The following ABLIM2 variants were observed in gnomAD, a reference collection of about 807,000 sequenced individuals.
ABLIM2 encodes actin-binding LIM protein 2.
ABLIM2 carries 53 observed loss-of-function variants against 97.7 expected under a neutral mutation model. The ratio of observed to expected loss-of-function variants is 0.54; its 90% confidence interval spans 0.44 to 0.68. The LOEUF is 0.68. ABLIM2 is among the 30% of genes least tolerant of loss of function. The pLI, the probability that ABLIM2 is intolerant of heterozygous loss-of-function variation, is 0.00. For synonymous variants in ABLIM2, 361 were observed against 345.8 expected (o/e 1.04, Z -0.49); for missense variants, 835 against 867.2 (o/e 0.96, Z 0.47).
intron 14 of ABLIM2, among the ~76,000 whole-genome samples, chr4:8,010,035 C>T (rs1763920791): frequency 6.6e-6 from 1 of 152,204 alleles, no homozygotes; most frequent in African/African-American, 2.4e-5. Context: ...AAGACATCCA[C>T]GAAGAGCAGT....
At chr4:8,006,789 G>A (rs1411833421) in intron 16 of ABLIM2, among the ~76,000 whole-genome samples, 2 of 152,184 alleles carry the variant, frequency 1.3e-5, no homozygotes, top group Non-Finnish European at 2.9e-5. Flanking sequence ...TAGCCCCCTT[G>A]CCCTGCCTGC....
rs1318907351 is a variant in ABLIM2, at chr4:8,132,480, C to T, written c.11-25843G>A. ...ACCATCCAGTCCCTGGAGAAGGACG[C>T]CCAGCCCTGGCCTTTCCTGAGCACT... On this transcript the variant is annotated intron_variant, in intron 1 of 20. Coordinates refer to ENST00000447017, the MANE Select transcript of ABLIM2 (RefSeq NM_001130083.2). The surrounding 1 kb of genome is among the most constrained non-coding windows in gnomAD (Gnocchi z 8.0). Among the ~76,000 whole-genome samples, 9 of 152,130 alleles carry T rather than the reference C, an allele frequency of 5.9e-5. No homozygotes were observed. The highest frequency in any genetic ancestry group is 1.2e-4 in the Non-Finnish European group (8 of 68,020).
Position 8,104,610 on chromosome 4 carries a change from T to C in ABLIM2, c.154+1884A>G, listed in dbSNP as rs959668464. Among the ~76,000 whole-genome samples, 11 of 152,132 alleles carry C rather than the reference T, an allele frequency of 7.2e-5. 1 individual carries two copies. The South Asian group carries it at 1.7e-3, about 23-fold the overall frequency. On this transcript the variant is annotated intron_variant, in intron 2 of 20. Coordinates refer to ENST00000447017, the MANE Select transcript of ABLIM2 (RefSeq NM_001130083.2). Reference sequence around the variant, plus strand: ...CTGGGGTCTGCCTTAGCCCAAGGGATTCAGGGCACTCCCACTCCTGCCAGA... The same window carrying C: ...CTGGGGTCTGCCTTAGCCCAAGGGACTCAGGGCACTCCCACTCCTGCCAGA...
In ABLIM2 at chr4:7,966,074, C is replaced by T. The variant is rs955837344; in HGVS notation, c.*916G>A. 5.3e-5 allele frequency: 8 copies of T among 152,054 alleles called. No homozygotes were observed. The highest frequency in any genetic ancestry group is 1.7e-4 in the African/African-American group (7 of 41,390). The allele number at this position is 152,054 out of a possible 1,614,324, so 9.4% of individuals were successfully genotyped here. ...CTATACCTCACATGTATTTACAAAG[C>T]GTTCTTTAGAGGGGTCTGTCTTTAA... is the stretch of plus-strand genomic sequence containing the variant. On this transcript the variant is annotated 3_prime_UTR_variant, in exon 21 of 21. Transcript: ENST00000447017.
At position 8,091,162 on chromosome 4, in the gene ABLIM2, G is replaced by C. The variant is rs193045720; in HGVS notation, c.339-2878C>G. On this transcript the variant is annotated intron_variant, in intron 3 of 20. Coordinates refer to ENST00000447017, the MANE Select transcript of ABLIM2 (RefSeq NM_001130083.2). ...GCCATGGTCCATCTTTTCAGTTTTA[G>C]TCGTTCTCATGGAGGCGTAATGGCA... Among the ~76,000 whole-genome samples, 5 of 148,162 alleles carry C rather than the reference G, an allele frequency of 3.4e-5. No individual in the cohort carries two copies. The East Asian group carries it at 9.8e-4, about 29-fold the overall frequency.
chr4:8,006,182 G>A (rs1000186253), intron 16 of ABLIM2, among the ~76,000 whole-genome samples: 1 of 152,224 alleles, frequency 6.6e-6, no homozygotes, highest in Non-Finnish European at 1.5e-5. Flanking sequence ...AGCAGTGCAC[G>A]AGGTGAAGGC....
Position 8,058,216 on chromosome 4 carries a change from T to G in ABLIM2, c.763+2751A>C, listed in dbSNP as rs1800582282. On this transcript the variant is annotated intron_variant, in intron 7 of 20. Transcript: ENST00000447017. This position sits in a 1 kb window ranked among gnomAD's most constrained non-coding sequence, Gnocchi z 4.2. Reference sequence around the variant, plus strand: ...CCTTTACTGTGGGGGCCAAACCCCATGCAGAGCAAGGCCCCTGCCCAGACA... The same window carrying G: ...CCTTTACTGTGGGGGCCAAACCCCAGGCAGAGCAAGGCCCCTGCCCAGACA... 6.6e-6 allele frequency among the ~76,000 whole-genome samples: 1 copy of G among 152,226 alleles called. No individual in the cohort carries two copies. Among genetic ancestry groups the G allele is most frequent in the African/African-American group, 2.4e-5 (1 of 41,470 alleles).
At position 8,023,030 on chromosome 4, in the gene ABLIM2, T is replaced by TCTCCTC. The variant is rs143791638; in HGVS notation, c.1268-2733_1268-2728dup. 3.4e-5 allele frequency: 5 copies of TCTCCTC among 149,030 alleles called. No homozygotes were observed. The highest frequency in any genetic ancestry group is 1.3e-4 in the African/African-American group (5 of 39,844). 9.2% of individuals were successfully genotyped at this position (149,030 alleles called of 1,614,324 possible). A position where few individuals can be genotyped will look rare whatever the true frequency, so the allele number is the denominator to read the frequency against. ...TCTTCCTCCTTCACTTTTTCCTCTT[T>TCTCCTC]CTCCTCCTCCTCCTCCTTCTTCTCT... On this transcript the variant is annotated intron_variant, in intron 12 of 20. Transcript: ENST00000447017. The surrounding 1 kb of genome is among the most constrained non-coding windows in gnomAD (Gnocchi z 5.7).
intron 16 of ABLIM2, among the ~76,000 whole-genome samples, chr4:7,997,258 G>C (rs886377781): frequency 6.6e-6 from 1 of 152,142 alleles, no homozygotes; most frequent in African/African-American, 2.4e-5. Flanking sequence ...TTTTAGTAGA[G>C]ACAGGGTTTC....
chr4:8,007,276 A>T, intron 16 of ABLIM2: 6 of 985,382 alleles, frequency 6.1e-6, no homozygotes, highest in Non-Finnish European at 7.2e-6. Context: ...ACGACGGGTC[A>T]GTGGTGAGCT....
At chr4:7,994,886 G>A (rs1189992299) in intron 16 of ABLIM2, among the ~76,000 whole-genome samples, 1 of 113,976 alleles carries the variant, frequency 8.8e-6, no homozygotes, top group East Asian at 2.2e-4. Flanking sequence ...GAGTGAACAG[G>A]CAACCTACAA....
chr4:8,077,411 A>T (rs746489626), intron 6 of ABLIM2, among the ~76,000 whole-genome samples: 7 of 152,250 alleles, frequency 4.6e-5, no homozygotes, highest in Non-Finnish European at 8.8e-5. Flanking sequence ...GAGGCACAGA[A>T]GAGAGCATCA....
chr4:8,047,834 A>G (rs1211830063), intron 8 of ABLIM2, among the ~76,000 whole-genome samples: 1 of 152,210 alleles, frequency 6.6e-6, no homozygotes, highest in Non-Finnish European at 1.5e-5. Flanking sequence ...TCTCCCCACT[A>G]TTATTTCAGC....
intron 14 of ABLIM2, among the ~76,000 whole-genome samples, chr4:8,009,856 G>T (rs770502900): frequency 6.6e-6 from 1 of 152,260 alleles, no homozygotes; most frequent in East Asian, 1.9e-4. Context: ...TTCACAGATC[G>T]GGAGACTGAG....
intron 20 of ABLIM2, among the ~76,000 whole-genome samples, chr4:7,978,985 A>G (rs1022644309): frequency 6.6e-6 from 1 of 151,858 alleles, no homozygotes; most frequent in Non-Finnish European, 1.5e-5. Flanking sequence ...TCATCTGCGC[A>G]CTCACTGGAT....
intron 14 of ABLIM2, among the ~76,000 whole-genome samples, chr4:8,009,883 T>TGGTC (rs1480806044): frequency 6.6e-6 from 1 of 152,160 alleles, no homozygotes; most frequent in Non-Finnish European, 1.5e-5. Flanking sequence ...GGACATGGTA[T>TGGTC]ACCTCGCCCA....
chr4:8,007,156 G>A, intron 16 of ABLIM2: 1 of 985,270 alleles, frequency 1.0e-6, no homozygotes, highest in South Asian at 4.7e-5. Context: ...GCAGGCATGA[G>A]GATGAGGATG....
chr4:8,005,796 G>A lies in ABLIM2; in HGVS notation c.1618+2263C>T, dbSNP rs1760896249. Among the ~76,000 whole-genome samples, 1 of 152,252 alleles carries A rather than the reference G, an allele frequency of 6.6e-6. No individual in the cohort carries two copies. Among genetic ancestry groups the A allele is most frequent in the Admixed American group, 6.5e-5 (1 of 15,290 alleles). On this transcript the variant is annotated intron_variant, in intron 16 of 20. Transcript: ENST00000447017. This position sits in a 1 kb window ranked among gnomAD's most constrained non-coding sequence, Gnocchi z 4.9. Reference sequence around the variant, plus strand: ...AGAGGAAGTGGATGTTAGCACACCAGGAGAAAGCGAAGGAAGGACAGCATC... The same window carrying A: ...AGAGGAAGTGGATGTTAGCACACCAAGAGAAAGCGAAGGAAGGACAGCATC...
intron 16 of ABLIM2, among the ~76,000 whole-genome samples, chr4:7,993,786 G>T (rs1750848333): frequency 6.6e-6 from 1 of 152,224 alleles, no homozygotes; most frequent in South Asian, 2.1e-4. Flanking sequence ...CTGAGACAAT[G>T]AACTCTGGAT....
Sources: allele counts gnomAD v4.1 joint callset (sites outside exome capture counted in the v4.1 genomes callset), GRCh38; gene constraint gnomAD v4.1.1; non-coding constraint Gnocchi (gnomAD v3.1); transcripts MANE v1.5; gene names NCBI Gene and HGNC (gene_info 2026-07-23, HGNC 2026-07-21).